Variants in RYR1 observed in about 807,000 individuals in gnomAD.
RYR1 encodes the protein central core disease of muscle.
In RYR1, 342 loss-of-function variants were observed where a neutral mutation model predicts 583.5. The observed-to-expected ratio is 0.59, with a 90% CI of 0.54 to 0.64. The LOEUF (loss-of-function observed/expected upper bound fraction) is 0.64. Ranked by LOEUF, RYR1 falls within the 30% of genes least tolerant of loss-of-function variation. The pLI is 0.00. For synonymous variants in RYR1, 2,791 were observed against 2,822.5 expected, an observed-to-expected ratio of 0.99 and a Z score of 0.35; for missense variants, 6,032 against 6,917.2, an observed-to-expected ratio of 0.87 and a Z score of 4.54.
chr19:38,460,811 C>G (rs1250756702), intron 20 of RYR1, among the ~76,000 whole-genome samples: 1 of 152,220 alleles, frequency 6.6e-6, no homozygotes, highest in Non-Finnish European at 1.5e-5. Flanking sequence ...AAGTGAAACC[C>G]TGTCTCTACT....
chr19:38,507,067 A>G (rs1398636213), intron 57 of RYR1, 115 bp downstream of exon 57: 8 of 1,515,266 alleles, frequency 5.3e-6, no homozygotes, highest in Non-Finnish European at 7.2e-6. Context: ...TGAGGAGCAA[A>G]GATGGAACCA....
chr19:38,446,943 C>G (rs1320835083), intron 9 of RYR1, among the ~76,000 whole-genome samples, 175 bp downstream of exon 9: 5 of 152,118 alleles, frequency 3.3e-5, no homozygotes, highest in Non-Finnish European at 7.3e-5. Flanking sequence ...GACTTCATGC[C>G]TGTAATCCCA....
In RYR1 at chr19:38,453,034, G is replaced by A. The variant is rs1399913083; in HGVS notation, c.1440+20G>A. On this transcript the variant is annotated intron_variant, in intron 13 of 105. Coordinates refer to ENST00000359596, the MANE Select transcript of RYR1 (RefSeq NM_000540.3). ...GAGGAGGTGAGGACGTGGCGAGGGC[G>A]GAGCGGGGCCTGTGGGCCCAGGGGG... 1 of 1,612,150 alleles carries A rather than the reference G, an allele frequency of 6.2e-7. No homozygotes were observed. Among genetic ancestry groups the A allele is most frequent in the Non-Finnish European group, 8.5e-7 (1 of 1,179,166 alleles).
At chr19:38,505,469 T>A in intron 53 of RYR1, 71 bp downstream of exon 53, 1 of 1,106,878 alleles carries the variant, frequency 9.0e-7, no homozygotes, top group Non-Finnish European at 1.3e-6. Context: ...CGGGGAGGAG[T>A]GAGGCAATTT....
At chr19:38,586,218 A>G (rs1568613578) in intron 104 of RYR1, 27 bp downstream of exon 104, 13 of 1,599,492 alleles carry the variant, frequency 8.1e-6, no homozygotes, top group Non-Finnish European at 1.1e-5. Context: ...GCCAGTCAGG[A>G]GGGTGGGGGG....
Position 38,496,924 on chromosome 19 carries a change from C to G in RYR1, c.6861C>G (p.Ala2287=). The part of the protein sequence containing the change: ...AASVIDNNEL[A]LALQEQDLEK... ...CCGTCATTGACAACAATGAGCTGGC[C>G]TTGGCATTGCAGGAGCAGGACCTGG... The change falls in exon 42 of 106, where the codon GCC becomes GCG. Residue 2287 remains alanine (A), a synonymous_variant. Coordinates refer to ENST00000359596, the MANE Select transcript of RYR1 (RefSeq NM_000540.3). The surrounding 1 kb of genome is among the most constrained non-coding windows in gnomAD (Gnocchi z 4.8). The G allele has an allele frequency of 6.2e-7, 1 of 1,613,626 alleles. No individual in the cohort carries two copies. Among genetic ancestry groups the G allele is most frequent in the Non-Finnish European group, 8.5e-7 (1 of 1,179,974 alleles).
At chr19:38,478,170 A>G (rs1373446433) in intron 30 of RYR1, among the ~76,000 whole-genome samples, 2 of 149,116 alleles carry the variant, frequency 1.3e-5, no homozygotes, top group Admixed American at 6.7e-5. Flanking sequence ...CTGTCATCTC[A>G]TTCTCTCTCC....
Position 38,577,982 on chromosome 19 carries a change from T to C in RYR1, c.14237T>C (p.Leu4746Pro). 6.2e-7 allele frequency: 1 copy of C among 1,614,066 alleles called. No homozygotes were observed. Among genetic ancestry groups the C allele is most frequent in the Non-Finnish European group, 8.5e-7 (1 of 1,180,014 alleles). ...ERIAELLGMD[L>P]ATLEITAHNE... Reference sequence around the variant, plus strand: ...ATTGCTGAGCTACTGGGCATGGACCTGGCCACACTAGAGATCACAGCCCAC... The same window carrying C: ...ATTGCTGAGCTACTGGGCATGGACCCGGCCACACTAGAGATCACAGCCCAC... Residue 4746 changes from leucine to proline, a missense_variant, in exon 98 of 106, where the codon CTG (leucine) becomes CCG (proline). Leu to Pro is a moderately conservative substitution (Grantham distance 98, BLOSUM62 -3). This residue lies in a region of RYR1 where 188 missense variants were observed against 215.6 expected (regional missense o/e 0.87). Coordinates refer to ENST00000359596, the MANE Select transcript of RYR1 (RefSeq NM_000540.3).
chr19:38,522,985 G>T, intron 67 of RYR1, 43 bp from the exon 68 acceptor site: 1 of 1,500,012 alleles, frequency 6.7e-7, no homozygotes, highest in Non-Finnish European at 9.1e-7. Context: ...CCCCTTCCCT[G>T]GGATCCCCAC....
chr19:38,520,192 G>T (rs1971163424), intron 67 of RYR1, among the ~76,000 whole-genome samples: 1 of 149,470 alleles, frequency 6.7e-6, no homozygotes, highest in South Asian at 2.1e-4. Flanking sequence ...CTCTGCTTCT[G>T]CCCCTGAGTA....
intron 89 of RYR1, among the ~76,000 whole-genome samples, chr19:38,556,548 G>A (rs1237649453): frequency 6.6e-6 from 1 of 151,668 alleles, no homozygotes; most frequent in Admixed American, 6.6e-5. Context: ...TTTCAACATG[G>A]AATCAATCCT....
chr19:38,450,119 C>G (rs1051736428), intron 11 of RYR1, among the ~76,000 whole-genome samples: 1 of 152,124 alleles, frequency 6.6e-6, no homozygotes, highest in African/African-American at 2.4e-5. Context: ...TCACAGAATT[C>G]TTAGGCTGTC....
intron 90 of RYR1, among the ~76,000 whole-genome samples, chr19:38,564,205 C>A (rs1410121604): frequency 1.3e-5 from 2 of 152,060 alleles, no homozygotes; most frequent in East Asian, 3.9e-4. Context: ...ACAGACAGAC[C>A]CTGTCTCTGC....
At position 38,443,646 on chromosome 19, in the gene RYR1, C is replaced by T. The variant is rs1365131221; in HGVS notation, c.345+14C>T. 8 of 1,613,954 alleles carry T rather than the reference C, an allele frequency of 5.0e-6. No individual in the cohort carries two copies. The highest frequency in any genetic ancestry group is 6.8e-6 in the Non-Finnish European group (8 of 1,179,980). On this transcript the variant is annotated intron_variant, in intron 4 of 105. Coordinates refer to ENST00000359596, the MANE Select transcript of RYR1 (RefSeq NM_000540.3). Reference sequence around the variant, plus strand: ...CACAGCCGCATGGTGAGTGCAACCTCGGTGGGCGTGGGCAGGGGCCAGGGC... The same window carrying T: ...CACAGCCGCATGGTGAGTGCAACCTTGGTGGGCGTGGGCAGGGGCCAGGGC...
chr19:38,506,966 G>C lies in RYR1; in HGVS notation c.8816+14G>C, dbSNP rs1431837734. On this transcript the variant is annotated intron_variant, in intron 57 of 105. Transcript: ENST00000359596. ...CGCGGTTACAAGGCACGCGGGTTGG[G>C]GCTCCCGCGGAAGAGCAGCAGGCAG... The C allele has an allele frequency of 1.2e-6, 2 of 1,612,346 alleles. No individual in the cohort carries two copies. The highest frequency in any genetic ancestry group is 1.7e-6 in the Non-Finnish European group (2 of 1,180,016).
chr19:38,447,841 TA>T (rs55754306), intron 9 of RYR1, among the ~76,000 whole-genome samples: 29,260 of 137,176 alleles, frequency 0.21, 3,432 homozygotes, highest in South Asian at 0.45. Context: ...GGCCCTGCCT[TA>T]AAAAAAAAAA....
intron 91 of RYR1, among the ~76,000 whole-genome samples, chr19:38,566,685 G>A (rs951197511): frequency 4.6e-5 from 7 of 152,086 alleles, no homozygotes; most frequent in Non-Finnish European, 8.8e-5. Flanking sequence ...TGCACTTGGA[G>A]TCAGCCCGAC....
chr19:38,558,765 C>T (rs941459253), intron 89 of RYR1, among the ~76,000 whole-genome samples: 1 of 150,808 alleles, frequency 6.6e-6, no homozygotes, highest in South Asian at 2.1e-4. Context: ...GGTGACAGAG[C>T]AAGACTCTGT....
At chr19:38,572,401 G>A in intron 95 of RYR1, 131 bp downstream of exon 95, 4 of 1,137,874 alleles carry the variant, frequency 3.5e-6, no homozygotes, top group Non-Finnish European at 5.0e-6. Context: ...GTTGGGGTGA[G>A]GGCTGGGGAA....
Sources: allele counts gnomAD v4.1 joint callset (sites outside exome capture counted in the v4.1 genomes callset), GRCh38; gene constraint gnomAD v4.1.1; regional missense constraint gnomAD v4.1.1; non-coding constraint Gnocchi (gnomAD v3.1); transcripts MANE v1.5; gene names NCBI Gene and HGNC (gene_info 2026-07-23, HGNC 2026-07-21).